The following LRRTM4 variants were observed in gnomAD, a reference collection of about 807,000 sequenced individuals.
LRRTM4 encodes the protein leucine-rich repeat transmembrane neuronal protein 4.
A neutral mutation model predicts 47.6 loss-of-function variants in LRRTM4; 25 were observed. The observed-to-expected ratio is 0.53, with a 90% CI of 0.38 to 0.73. The LOEUF (loss-of-function observed/expected upper bound fraction) is 0.73, where lower values mean the gene tolerates loss of function less well. LRRTM4 is among the 30% of genes least tolerant of loss of function. The pLI, the probability that LRRTM4 is intolerant of heterozygous loss-of-function variation, is 0.00. For synonymous variants in LRRTM4, 311 were observed against 269.5 expected, an observed-to-expected ratio of 1.15 and a Z score of -1.51; for missense variants, 638 against 713.4, an observed-to-expected ratio of 0.89 and a Z score of 1.20.
chr2:77,206,512 T>C (rs1674131010), intron 3 of LRRTM4, among the ~76,000 whole-genome samples: 1 of 151,584 alleles, frequency 6.6e-6, no homozygotes, highest in East Asian at 2.0e-4. Context: ...TGAGACAGAG[T>C]CTCGCACAGT....
At chr2:77,135,456 T>C (rs1671909970) in intron 3 of LRRTM4, among the ~76,000 whole-genome samples, 1 of 152,222 alleles carries the variant, frequency 6.6e-6, no homozygotes, top group Non-Finnish European at 1.5e-5. Flanking sequence ...CTTAGGGTCT[T>C]CTTGGATCCT....
chr2:76,988,402 T>C (rs1477336799), intron 3 of LRRTM4, among the ~76,000 whole-genome samples: 4 of 151,798 alleles, frequency 2.6e-5, no homozygotes, highest in African/African-American at 9.7e-5. Context: ...GATGATAATA[T>C]CCTTGACCCA....
At chr2:77,212,377 CAT>C (rs1247327803) in intron 3 of LRRTM4, among the ~76,000 whole-genome samples, 2 of 147,218 alleles carry the variant, frequency 1.4e-5, no homozygotes, top group Non-Finnish European at 1.5e-5. Flanking sequence ...TATATAGTGT[CAT>C]ATATATATAT....
At chr2:76,775,818 A>G (rs1175104630) in intron 3 of LRRTM4, among the ~76,000 whole-genome samples, 1 of 152,094 alleles carries the variant, frequency 6.6e-6, no homozygotes, top group Non-Finnish European at 1.5e-5. Flanking sequence ...CAGGTTAGTT[A>G]CATATGTATA....
intron 3 of LRRTM4, among the ~76,000 whole-genome samples, chr2:77,246,683 C>A (rs887226472): frequency 1.3e-5 from 2 of 151,946 alleles, no homozygotes; most frequent in Non-Finnish European, 2.9e-5. Context: ...TCCCTGCCTA[C>A]TTCACAATGT....
intron 3 of LRRTM4, among the ~76,000 whole-genome samples, chr2:77,494,898 C>T (rs974740168): frequency 3.3e-5 from 5 of 152,076 alleles, no homozygotes; most frequent in Non-Finnish European, 7.4e-5. Context: ...TGGAATCATA[C>T]AGAAAATACT....
At chr2:77,387,690 A>C (rs780593807) in intron 3 of LRRTM4, among the ~76,000 whole-genome samples, 2 of 152,126 alleles carry the variant, frequency 1.3e-5, no homozygotes, top group Non-Finnish European at 2.9e-5. Context: ...GCTTGCATGC[A>C]GGCTAACACC....
At chr2:76,776,386 T>A (rs1204728872) in intron 3 of LRRTM4, among the ~76,000 whole-genome samples, 2 of 152,092 alleles carry the variant, frequency 1.3e-5, no homozygotes, top group African/African-American at 2.4e-5. Flanking sequence ...AGTGTAAAAG[T>A]GTTCCTATTT....
At chr2:77,386,329 A>T (rs1007426892) in intron 3 of LRRTM4, among the ~76,000 whole-genome samples, 2 of 151,900 alleles carry the variant, frequency 1.3e-5, no homozygotes, top group Non-Finnish European at 2.9e-5. Context: ...AGTTAATTAC[A>T]TAAGTCAAGT....
chr2:76,834,394 T>C (rs72819227), intron 3 of LRRTM4, among the ~76,000 whole-genome samples: 3,105 of 151,982 alleles, frequency 0.02, 66 homozygotes, highest in East Asian at 0.11. Flanking sequence ...TTTCAAAATA[T>C]CTGTTACTCT....
chr2:76,807,853 T>A (rs1670580067), intron 3 of LRRTM4, among the ~76,000 whole-genome samples: 1 of 151,878 alleles, frequency 6.6e-6, no homozygotes, highest in East Asian at 1.9e-4. Flanking sequence ...AGTGCTGGGA[T>A]TACAGGTGTG....
At chr2:76,867,549 A>G (rs1331577413) in intron 3 of LRRTM4, among the ~76,000 whole-genome samples, 4 of 152,180 alleles carry the variant, frequency 2.6e-5, no homozygotes, top group African/African-American at 9.6e-5. Context: ...GTTAGAAGTT[A>G]GCTGCTATAA....
chr2:77,104,347 T>C (rs942146946), intron 3 of LRRTM4, among the ~76,000 whole-genome samples: 8 of 152,148 alleles, frequency 5.3e-5, no homozygotes, highest in African/African-American at 1.9e-4. Flanking sequence ...ACTCTCCACG[T>C]GGTGGTCAGA....
intron 3 of LRRTM4, among the ~76,000 whole-genome samples, chr2:76,873,561 A>G (rs1252217331): frequency 2.7e-5 from 4 of 146,240 alleles, no homozygotes; most frequent in African/African-American, 1.0e-4. Context: ...TCAACTTTGG[A>G]AAAAGATATG....
At chr2:77,289,597 A>G (rs186420373) in intron 3 of LRRTM4, among the ~76,000 whole-genome samples, 81 of 151,990 alleles carry the variant, frequency 5.3e-4, no homozygotes, top group Non-Finnish European at 3.2e-4. Context: ...GTTTTTTTTT[A>G]GAAATGGTTA....
intron 3 of LRRTM4, among the ~76,000 whole-genome samples, chr2:77,250,531 A>G (rs900049254): frequency 6.6e-6 from 1 of 152,226 alleles, no homozygotes; most frequent in Non-Finnish European, 1.5e-5. Flanking sequence ...CACTATGTAA[A>G]TATAATCATA....
At chr2:77,024,034 T>C (rs79815325) in intron 3 of LRRTM4, among the ~76,000 whole-genome samples, 6,987 of 152,186 alleles carry the variant, frequency 0.046, 197 homozygotes, top group Non-Finnish European at 0.068. Context: ...GCAAAAGTGC[T>C]TTTTACATGG....
In LRRTM4 at chr2:77,478,081, TAA is replaced by T. The variant is rs200116520; in HGVS notation, c.1551+40235_1551+40236del. On this transcript the variant is annotated intron_variant, in intron 3 of 3. Coordinates refer to ENST00000409884, the MANE Select transcript of LRRTM4 (RefSeq NM_001134745.3). ...CAAGGCTACATATATTCTAAACTGC[TAA>T]ATTTAAATTAAGATTTTACAGAATC... Among the ~76,000 whole-genome samples the T allele has an allele frequency of 7.6e-3, 1,154 of 152,270 alleles. 11 individuals carry two copies. The highest frequency in any genetic ancestry group is 0.027 in the African/African-American group (1,104 of 41,568).
chr2:77,031,921 C>T (rs764221008), intron 3 of LRRTM4, among the ~76,000 whole-genome samples: 7 of 152,110 alleles, frequency 4.6e-5, no homozygotes, highest in Non-Finnish European at 7.4e-5. Context: ...TCAAATCTTT[C>T]AGGCCCCTAA....
Sources: gnomAD v4.1 joint callset for allele counts (sites outside exome capture counted in the v4.1 genomes callset) on GRCh38, gnomAD v4.1.1 for gene constraint, MANE v1.5 for transcripts, NCBI Gene and HGNC (gene_info 2026-07-23, HGNC 2026-07-21) for gene names.